FAM20B: variants seen among roughly 807,000 people sequenced by gnomAD.
The protein encoded by FAM20B is FAM20B glycosaminoglycan xylosylkinase.
A neutral mutation model predicts 43.8 loss-of-function variants in FAM20B; 23 were observed. The ratio of observed to expected loss-of-function variants is 0.53; its 90% CI spans 0.38 to 0.74. The LOEUF is 0.74. FAM20B is among the 30% of genes least tolerant of loss of function. The pLI, the probability that FAM20B is intolerant of heterozygous loss-of-function variation, is 0.00. For missense variants in FAM20B, 440 were observed against 510.5 expected, an observed-to-expected ratio of 0.86 and a Z score of 1.33; for synonymous variants, 178 against 192.4, an observed-to-expected ratio of 0.93 and a Z score of 0.62.
intron 7 of FAM20B, among the ~76,000 whole-genome samples, chr1:179,067,060 T>C (rs1651720654): frequency 6.6e-6 from 1 of 152,012 alleles, no homozygotes; most frequent in Admixed American, 6.6e-5. Flanking sequence ...TCAGAATTCA[T>C]CTCAAATTTT....
upstream of FAM20B, among the ~76,000 whole-genome samples, chr1:179,025,080 A>G (rs752491940): frequency 4.6e-5 from 7 of 152,184 alleles, no homozygotes; most frequent in Non-Finnish European, 7.3e-5. Context: ...GCTTTAGTAT[A>G]TGGTGAATAA....
intron 7 of FAM20B, among the ~76,000 whole-genome samples, chr1:179,071,073 T>C (rs1166553483): frequency 6.6e-6 from 1 of 151,632 alleles, no homozygotes; most frequent in African/African-American, 2.4e-5. Context: ...GGCGGGCGGA[T>C]CACGAGGTCA....
intron 1 of FAM20B, among the ~76,000 whole-genome samples, chr1:179,040,609 C>T (rs1415151802): frequency 1.7e-5 from 2 of 119,942 alleles, no homozygotes; most frequent in Admixed American, 7.7e-5. Flanking sequence ...CCAGTAGGGG[C>T]GGCCGGGCAG....
chr1:179,056,271 C>T (rs1651216356), intron 4 of FAM20B, among the ~76,000 whole-genome samples: 1 of 152,150 alleles, frequency 6.6e-6, no homozygotes, highest in Non-Finnish European at 1.5e-5. Context: ...ATCTAAAAAT[C>T]CTCTATGTTC....
At chr1:179,042,797 G>A (rs1008211939) in intron 1 of FAM20B, among the ~76,000 whole-genome samples, 3 of 152,334 alleles carry the variant, frequency 2.0e-5, no homozygotes. Context: ...GAGACCCACA[G>A]TGGGTAGATC....
intron 1 of FAM20B, among the ~76,000 whole-genome samples, chr1:179,032,688 G>GA (rs892406772): frequency 2.0e-5 from 3 of 152,002 alleles, no homozygotes; most frequent in African/African-American, 7.2e-5. Context: ...CAGAAAAGAA[G>GA]AAAAAATATC....
In FAM20B at chr1:179,068,713, C is replaced by T. The variant is rs546341215; in HGVS notation, c.998+1854C>T. Among the ~76,000 whole-genome samples, 11 of 152,242 alleles carry T rather than the reference C, an allele frequency of 7.2e-5. No homozygotes were observed. In the East Asian group the frequency reaches 7.7e-4, roughly 11 times the overall value. ...CCTCCCAAACTACTGGCATTACAGG[C>T]GTGAGCCACTGCGCCCGACCCAATA... On this transcript the variant is annotated intron_variant, in intron 7 of 7. Transcript: ENST00000263733.
chr1:179,046,508 C>T (rs1184684960), intron 2 of FAM20B, among the ~76,000 whole-genome samples: 5 of 150,690 alleles, frequency 3.3e-5, no homozygotes, highest in African/African-American at 4.9e-5. Flanking sequence ...AAAAATTAGC[C>T]GGGCGTTTTG....
chr1:179,072,159 TA>T lies in FAM20B; in HGVS notation c.*17del. The T allele has an allele frequency of 6.4e-7, 1 of 1,555,718 alleles. No individual in the cohort carries two copies. Among genetic ancestry groups the T allele is most frequent in the East Asian group, 2.3e-5 (1 of 44,378 alleles). On this transcript the variant is annotated 3_prime_UTR_variant, in exon 8 of 8. Coordinates refer to ENST00000263733, the MANE Select transcript of FAM20B (RefSeq NM_014864.4). Reference sequence around the variant, plus strand: ...CACACTTGTAATTCTCGACACAAAATAAGTGAAACTTCTTTTTACAAAGATA... The same window carrying T: ...CACACTTGTAATTCTCGACACAAAATAGTGAAACTTCTTTTTACAAAGATA...
intron 1 of FAM20B, among the ~76,000 whole-genome samples, chr1:179,043,514 T>C (rs986075869): frequency 6.6e-6 from 1 of 152,222 alleles, no homozygotes; most frequent in Non-Finnish European, 1.5e-5. Context: ...AGCTGGTGTC[T>C]TCGCAGCAGC....
intron 1 of FAM20B, among the ~76,000 whole-genome samples, chr1:179,034,402 C>CTT (rs1032438415): frequency 6.6e-6 from 1 of 150,760 alleles, no homozygotes; most frequent in Non-Finnish European, 1.5e-5. Flanking sequence ...CTCTCTCTCT[C>CTT]TTTTTTTTTA....
the FAM20B span, among the ~76,000 whole-genome samples, chr1:179,019,415 A>G: frequency 2.0e-5 from 3 of 150,982 alleles, no homozygotes; most frequent in Non-Finnish European, 4.4e-5. Context: ...TGGTGGTCAC[A>G]TTAAGTGAGA....
At chr1:179,061,821 C>G (rs1422981645) in intron 4 of FAM20B, among the ~76,000 whole-genome samples, 5 of 152,100 alleles carry the variant, frequency 3.3e-5, no homozygotes, top group African/African-American at 1.2e-4. Context: ...TTTATATCAC[C>G]ATGAACTCAC....
chr1:179,020,762 C>A, the FAM20B span, among the ~76,000 whole-genome samples: 1 of 152,124 alleles, frequency 6.6e-6, no homozygotes, highest in African/African-American at 2.4e-5. Context: ...TGGGGGCAGG[C>A]ATAGAGCTAT....
intron 4 of FAM20B, among the ~76,000 whole-genome samples, chr1:179,058,356 T>C (rs1378253711): frequency 3.9e-5 from 6 of 152,222 alleles, no homozygotes; most frequent in Non-Finnish European, 8.8e-5. Flanking sequence ...AAGGAAATGC[T>C]AATTTTTAGT....
chr1:179,042,446 G>T (rs1049604270), intron 1 of FAM20B, among the ~76,000 whole-genome samples: 4 of 152,206 alleles, frequency 2.6e-5, no homozygotes, highest in Non-Finnish European at 4.4e-5. Context: ...CAGAAACTTG[G>T]AGACACCAGG....
At chr1:179,036,375 A>G (rs1357694230) in intron 1 of FAM20B, among the ~76,000 whole-genome samples, 1 of 152,142 alleles carries the variant, frequency 6.6e-6, no homozygotes, top group Non-Finnish European at 1.5e-5. Flanking sequence ...TTGTTCTTTG[A>G]GGTAGTTTCT....
At chr1:179,070,035 A>ATTTAT (rs1010084417) in intron 7 of FAM20B, among the ~76,000 whole-genome samples, 28 of 151,932 alleles carry the variant, frequency 1.8e-4, no homozygotes, top group African/African-American at 6.0e-4. Flanking sequence ...AGACTGGGTA[A>ATTTAT]TTTATTTTAT....
At chr1:179,070,092 C>T (rs1651850953) in intron 7 of FAM20B, among the ~76,000 whole-genome samples, 1 of 152,156 alleles carries the variant, frequency 6.6e-6, no homozygotes, top group Non-Finnish European at 1.5e-5. Context: ...GTTGCCCAGG[C>T]TGGAGTGCAG....
Sources: gnomAD v4.1 joint callset for allele counts (sites outside exome capture counted in the v4.1 genomes callset) on GRCh38, gnomAD v4.1.1 for gene constraint, MANE v1.5 for transcripts, NCBI Gene and HGNC (gene_info 2026-07-23, HGNC 2026-07-21) for gene names.